Variants in LAMA2 observed in about 807,000 individuals in gnomAD.
The protein encoded by LAMA2 is laminin subunit alpha 2, also known as laminin subunit alpha-2.
A neutral mutation model predicts 364.8 loss-of-function variants in LAMA2; 269 were observed. The ratio of observed to expected loss-of-function variants is 0.74; its 90% CI spans 0.67 to 0.82. LAMA2 has a LOEUF of 0.82. Among genes scored for constraint, LAMA2 ranks in the 40% least tolerant of loss-of-function variants. LAMA2 has a pLI of 0.00. For synonymous variants in LAMA2, 1,379 were observed against 1,370.6 expected (o/e 1.01, Z -0.14); for missense variants, 3,807 against 3,873.2 (o/e 0.98, Z 0.45).
intron 49 of LAMA2, 103 bp from the exon 50 acceptor site, chr6:129,464,187 T>C: frequency 2.0e-6 from 2 of 999,744 alleles, no homozygotes; most frequent in East Asian, 2.4e-5. Flanking sequence ...GGGTATTTCC[T>C]GCCCTACAAC....
intron 1 of LAMA2, among the ~76,000 whole-genome samples, chr6:128,928,218 G>A (rs1779220593): frequency 6.6e-6 from 1 of 152,158 alleles, no homozygotes; most frequent in Non-Finnish European, 1.5e-5. Flanking sequence ...GTAAATCTCT[G>A]GCACAGATGC....
At chr6:128,928,164 A>C (rs2114506780) in intron 1 of LAMA2, among the ~76,000 whole-genome samples, 1 of 152,344 alleles carries the variant, frequency 6.6e-6, no homozygotes, top group South Asian at 2.1e-4. Flanking sequence ...GAGAAGTCTC[A>C]GACTGTTATT....
At chr6:129,417,771 C>T (rs1187343716) in intron 40 of LAMA2, among the ~76,000 whole-genome samples, 1 of 152,128 alleles carries the variant, frequency 6.6e-6, no homozygotes, top group Non-Finnish European at 1.5e-5. Flanking sequence ...CAGAAGGGGC[C>T]AAGATAGTAG....
intron 34 of LAMA2, among the ~76,000 whole-genome samples, chr6:129,381,789 A>G (rs1390324919): frequency 7.2e-6 from 1 of 138,830 alleles, no homozygotes; most frequent in African/African-American, 2.5e-5. Flanking sequence ...TGTACTGCAA[A>G]TTATACAGAA....
intron 12 of LAMA2, among the ~76,000 whole-genome samples, chr6:129,206,106 G>GAGGAAGGAAGGAAGGA (rs71028149): frequency 2.1e-4 from 20 of 94,630 alleles, no homozygotes; most frequent in Non-Finnish European, 2.9e-4. Context: ...GGGAGGGAGG[G>GAGGAAGGAAGGAAGGA]AGGAAGGAAG....
intron 3 of LAMA2, 99 bp downstream of exon 3, chr6:129,059,995 T>A: frequency 2.7e-6 from 2 of 728,842 alleles, no homozygotes; most frequent in Non-Finnish European, 5.0e-6. Flanking sequence ...ATACTCTTTC[T>A]TATCACTCTC....
At chr6:128,936,093 C>G (rs757967050) in intron 1 of LAMA2, among the ~76,000 whole-genome samples, 3 of 152,204 alleles carry the variant, frequency 2.0e-5, no homozygotes, top group Non-Finnish European at 2.9e-5. Context: ...AGGAAGGTAC[C>G]TTGCTTCCCC....
At chr6:128,977,596 T>A (rs1045691881) in intron 1 of LAMA2, among the ~76,000 whole-genome samples, 1 of 152,180 alleles carries the variant, frequency 6.6e-6, no homozygotes, top group Non-Finnish European at 1.5e-5. Flanking sequence ...TAAACTAGAT[T>A]GTACTTACGA....
intron 14 of LAMA2, among the ~76,000 whole-genome samples, chr6:129,258,817 A>G (rs1298362074): frequency 3.3e-5 from 5 of 152,060 alleles, no homozygotes; most frequent in African/African-American, 1.2e-4. Flanking sequence ...TTCCTCAGTG[A>G]GGGGGGAAAA....
intron 19 of LAMA2, among the ~76,000 whole-genome samples, chr6:129,290,468 G>A (rs960364794): frequency 6.6e-6 from 1 of 152,228 alleles, no homozygotes; most frequent in South Asian, 2.1e-4. Flanking sequence ...TAGAAAAGCA[G>A]TTCTTTTGTT....
intron 1 of LAMA2, among the ~76,000 whole-genome samples, chr6:128,942,566 T>A (rs1221607770): frequency 1.3e-5 from 2 of 152,194 alleles, no homozygotes; most frequent in African/African-American, 4.8e-5. Context: ...GTCTGAACAC[T>A]GTTGTCATGG....
chr6:128,909,548 T>C (rs1206321791), intron 1 of LAMA2, among the ~76,000 whole-genome samples: 1 of 148,412 alleles, frequency 6.7e-6, no homozygotes, highest in Non-Finnish European at 1.5e-5. Context: ...GTGAGATGGG[T>C]TTCCTGAATA....
chr6:129,239,468 A>C (rs1785245376), intron 12 of LAMA2, among the ~76,000 whole-genome samples: 1 of 152,226 alleles, frequency 6.6e-6, no homozygotes, highest in African/African-American at 2.4e-5. Flanking sequence ...TAGAAATTTC[A>C]GTGGACTAAC....
chr6:129,422,748 G>A (rs995270710), intron 40 of LAMA2, among the ~76,000 whole-genome samples: 2 of 152,024 alleles, frequency 1.3e-5, no homozygotes, highest in Non-Finnish European at 2.9e-5. Flanking sequence ...GACTTTACTT[G>A]TGAATTCCAC....
rs568598684 is a variant in LAMA2 at position 129,366,263 on chromosome 6, C to T, written c.4762C>T (p.Arg1588Cys). 5.5e-5 allele frequency: 88 copies of T among 1,613,754 alleles called. No individual in the cohort carries two copies. In the South Asian group the frequency reaches 7.7e-4, roughly 14 times the overall value. Residue 1588 changes from arginine (R) to cysteine (C), a missense_variant, in exon 33 of 65, where the codon CGC becomes TGC. Transcript: ENST00000421865. The part of the protein sequence containing the change: ...CTGLLLGDLA[R>C]LEQMVMSINL... ...TGGCCTTCTTCTCGGTGACTTGGCT[C>T]GCCTGGAGCAGATGGTCATGAGCAT...
intron 3 of LAMA2, among the ~76,000 whole-genome samples, chr6:129,079,214 G>A (rs1358888184): frequency 6.6e-6 from 1 of 152,180 alleles, no homozygotes; most frequent in African/African-American, 2.4e-5. Flanking sequence ...TTAAGAGAGA[G>A]AGAGGGAGAA....
In LAMA2 at chr6:129,314,746, G is replaced by A; in HGVS notation, c.3503G>A (p.Cys1168Tyr). ...KNPLGCSSCY[C>Y]FGTTTQCSEA... ...CCACTTGGCTGCAGCAGCTGCTATT[G>A]CTTCGGCACTACTACCCAGTGCTCT... Residue 1168 changes from cysteine (C) to tyrosine (Y), a missense_variant, in exon 24 of 65, where the codon TGC (cysteine) becomes TAC (tyrosine). Coordinates refer to ENST00000421865, the MANE Select transcript of LAMA2 (RefSeq NM_000426.4). 6.2e-7 allele frequency: 1 copy of A among 1,614,018 alleles called. No individual in the cohort carries two copies. Among genetic ancestry groups the A allele is most frequent in the South Asian group, 1.1e-5 (1 of 91,074 alleles).
chr6:129,226,531 T>C (rs534674278), intron 12 of LAMA2, among the ~76,000 whole-genome samples: 2,277 of 152,202 alleles, frequency 0.015, 41 homozygotes, highest in African/African-American at 0.043. Flanking sequence ...GGCCTGGTGG[T>C]GACAAAATCT....
At chr6:129,219,207 C>G (rs1443693920) in intron 12 of LAMA2, among the ~76,000 whole-genome samples, 1 of 151,990 alleles carries the variant, frequency 6.6e-6, no homozygotes, top group East Asian at 1.9e-4. Context: ...ATTTATGCAG[C>G]CAAAAAACAC....
Sources: allele counts gnomAD v4.1 joint callset (sites outside exome capture counted in the v4.1 genomes callset), GRCh38; gene constraint gnomAD v4.1.1; transcripts MANE v1.5; gene names NCBI Gene and HGNC (gene_info 2026-07-23, HGNC 2026-07-21).